Variants in DLGAP2 observed in about 807,000 individuals in gnomAD.
DLGAP2 encodes the protein disks large-associated protein 2.
A neutral mutation model predicts 100.3 loss-of-function variants in DLGAP2; 26 were observed. The observed-to-expected ratio is 0.26, with a 90% CI of 0.19 to 0.36. The LOEUF (loss-of-function observed/expected upper bound fraction) is 0.36. Among genes scored for constraint, DLGAP2 ranks in the 10% least tolerant of loss-of-function variants. The pLI is 1.00. For synonymous variants in DLGAP2, 886 were observed against 630.1 expected (o/e 1.41, Z -6.08); for missense variants, 1,858 against 1,453.2 (o/e 1.28, Z -4.53).
At chr8:760,866 C>G (rs906688602) in intron 1 of DLGAP2, among the ~76,000 whole-genome samples, 1 of 152,152 alleles carries the variant, frequency 6.6e-6, no homozygotes, top group Admixed American at 6.6e-5. Context: ...CCTCAGGGTG[C>G]CTGCACCGAG....
At chr8:1,358,320 T>C (rs1801902249) in intron 3 of DLGAP2, among the ~76,000 whole-genome samples, 1 of 152,060 alleles carries the variant, frequency 6.6e-6, no homozygotes, top group African/African-American at 2.4e-5. Flanking sequence ...TTGTTGCAAA[T>C]ATGTCAGGTT....
At chr8:1,260,858 C>T (rs1375848494) in intron 3 of DLGAP2, among the ~76,000 whole-genome samples, 2 of 152,224 alleles carry the variant, frequency 1.3e-5, no homozygotes, top group Admixed American at 1.3e-4. Flanking sequence ...CCCATCAGGG[C>T]TCTCCAGCCT....
chr8:1,509,811 C>A (rs1190751072), intron 4 of DLGAP2, among the ~76,000 whole-genome samples: 1 of 152,156 alleles, frequency 6.6e-6, no homozygotes, highest in African/African-American at 2.4e-5. Flanking sequence ...TGTTCAATGT[C>A]AGTTTTTACC....
intron 3 of DLGAP2, among the ~76,000 whole-genome samples, chr8:1,420,274 C>T (rs915312969): frequency 1.3e-5 from 2 of 152,126 alleles, no homozygotes; most frequent in African/African-American, 4.8e-5. Context: ...AAGGACTGTC[C>T]TTTCAACCTT....
chr8:1,031,106 G>C (rs553593053), intron 2 of DLGAP2, among the ~76,000 whole-genome samples: 1 of 152,216 alleles, frequency 6.6e-6, no homozygotes, highest in South Asian at 2.1e-4. Flanking sequence ...TTCTCAGCAG[G>C]TGCTGGTATT....
At chr8:1,318,635 G>A (rs1014125814) in intron 3 of DLGAP2, among the ~76,000 whole-genome samples, 6 of 151,830 alleles carry the variant, frequency 4.0e-5, no homozygotes, top group Admixed American at 3.9e-4. Flanking sequence ...CTCATGTTAC[G>A]AAAATGGGAT....
chr8:925,712 T>C (rs1406632245), intron 2 of DLGAP2, among the ~76,000 whole-genome samples: 1 of 152,070 alleles, frequency 6.6e-6, no homozygotes. Flanking sequence ...TCTGTGTGAA[T>C]AGAAGGAGAT....
intron 1 of DLGAP2, among the ~76,000 whole-genome samples, chr8:846,489 A>T (rs118097396): frequency 1.3e-5 from 2 of 152,194 alleles, no homozygotes; most frequent in Non-Finnish European, 2.9e-5. Context: ...GCTGAATAGT[A>T]TTCCACTGTC....
chr8:1,423,799 T>C (rs1179377570), intron 3 of DLGAP2, among the ~76,000 whole-genome samples: 1 of 152,168 alleles, frequency 6.6e-6, no homozygotes, highest in African/African-American at 2.4e-5. Flanking sequence ...CTTGCAAGCT[T>C]CTAGTTGTTA....
chr8:1,173,449 T>C (rs1168748112), intron 2 of DLGAP2, among the ~76,000 whole-genome samples: 1 of 152,208 alleles, frequency 6.6e-6, no homozygotes, highest in African/African-American at 2.4e-5. Context: ...CAGAGGCTAC[T>C]GCTGTCTTTT....
At chr8:927,414 C>G (rs188617272) in intron 2 of DLGAP2, among the ~76,000 whole-genome samples, 5 of 152,240 alleles carry the variant, frequency 3.3e-5, no homozygotes, top group Non-Finnish European at 7.4e-5. Flanking sequence ...TCTACCTGAG[C>G]ATACGCGGCA....
chr8:1,110,130 C>G (rs1804901975), intron 2 of DLGAP2, among the ~76,000 whole-genome samples: 2 of 135,676 alleles, frequency 1.5e-5, no homozygotes, highest in African/African-American at 5.7e-5. Context: ...TGTGCACGTG[C>G]CTGTGATGTG....
At chr8:1,669,064 C>G (rs1585047965) in intron 9 of DLGAP2, among the ~76,000 whole-genome samples, 1 of 152,184 alleles carries the variant, frequency 6.6e-6, no homozygotes, top group South Asian at 2.1e-4. Flanking sequence ...TTTTCAAAAG[C>G]TTTTCGGTAT....
chr8:1,220,820 C>T (rs1254993762), intron 2 of DLGAP2, among the ~76,000 whole-genome samples: 1 of 152,102 alleles, frequency 6.6e-6, no homozygotes, highest in African/African-American at 2.4e-5. Context: ...TTTGTTAAGC[C>T]TTCTTGTTGA....
chr8:1,324,554 A>G (rs1269596435), intron 3 of DLGAP2, among the ~76,000 whole-genome samples: 4 of 152,224 alleles, frequency 2.6e-5, no homozygotes, highest in Admixed American at 6.5e-5. Flanking sequence ...AAAACTGTCC[A>G]GGACACAGTG....
At chr8:1,589,497 G>A (rs1276443410) in intron 6 of DLGAP2, among the ~76,000 whole-genome samples, 2 of 152,152 alleles carry the variant, frequency 1.3e-5, no homozygotes, top group South Asian at 2.1e-4. Flanking sequence ...AGTGCAGTGG[G>A]AGGATCACAG....
intron 3 of DLGAP2, among the ~76,000 whole-genome samples, chr8:1,466,605 T>G (rs1798633638): frequency 6.6e-6 from 1 of 152,130 alleles, no homozygotes; most frequent in African/African-American, 2.4e-5. Context: ...TCCAGAACTC[T>G]CAGGTGCCGA....
At position 1,584,966 on chromosome 8, in the gene DLGAP2, G is replaced by A. The variant is rs535743317; in HGVS notation, c.1442+19072G>A. On this transcript the variant is annotated intron_variant, in intron 6 of 14. Coordinates refer to ENST00000637795, the MANE Select transcript of DLGAP2 (RefSeq NM_001346810.2). ...TTCTATTAGAAAAAATGTCCTTAAC[G>A]TTAAATCAAAAACTTAAGTACAATG... Among the ~76,000 whole-genome samples, 7 of 151,970 alleles carry A rather than the reference G, an allele frequency of 4.6e-5. 1 individual carries two copies. The highest frequency in any genetic ancestry group is 4.2e-4 in the South Asian group (2 of 4,800).
chr8:773,722 C>CA (rs1821430073), intron 1 of DLGAP2, among the ~76,000 whole-genome samples: 1 of 151,886 alleles, frequency 6.6e-6, no homozygotes, highest in Admixed American at 6.6e-5. Context: ...GTATATATGC[C>CA]ACATTTTCTT....
Sources: allele counts gnomAD v4.1 joint callset (sites outside exome capture counted in the v4.1 genomes callset), GRCh38; gene constraint gnomAD v4.1.1; transcripts MANE v1.5; gene names NCBI Gene and HGNC (gene_info 2026-07-23, HGNC 2026-07-21).